Variants in MAP3K2 observed in about 807,000 individuals in gnomAD.
MAP3K2 encodes the protein MAP/ERK kinase kinase 2.
MAP3K2 carries 24 observed loss-of-function variants against 80.3 expected under a neutral mutation model. The observed-to-expected ratio is 0.30, with a 90% CI of 0.22 to 0.42. The LOEUF is 0.42. MAP3K2 is among the 10% of genes least tolerant of loss of function. MAP3K2 has a pLI of 1.00. For missense variants in MAP3K2, 608 were observed against 750.1 expected (o/e 0.81, Z 2.21); for synonymous variants, 244 against 253.7 (o/e 0.96, Z 0.36).
chr2:127,374,503 A>C (rs1017986617), intron 1 of MAP3K2, among the ~76,000 whole-genome samples: 1 of 152,216 alleles, frequency 6.6e-6, no homozygotes, highest in African/African-American at 2.4e-5. Context: ...GAGACTAGCT[A>C]AACAAATTAC....
chr2:127,323,838 T>C, intron 11 of MAP3K2, 64 bp downstream of exon 11: 1 of 733,588 alleles, frequency 1.4e-6, no homozygotes, highest in Non-Finnish European at 2.1e-6. Context: ...TAAAAAATTT[T>C]TGTATTTATT....
rs1434044277 is a variant in MAP3K2 at position 127,373,070 on chromosome 2, C to G, written c.-66+14382G>C. ...CAGAGAAGAATTTGCATTTACAATA[C>G]CAGCAATCAATAATGAAAGGCCAGC... On this transcript the variant is annotated intron_variant, in intron 1 of 16. Transcript: ENST00000682094. Among the ~76,000 whole-genome samples the G allele has an allele frequency of 2.0e-5, 3 of 152,178 alleles. No individual in the cohort carries two copies. In the East Asian group the frequency reaches 5.8e-4, roughly 29 times the overall value.
chr2:127,326,517 G>C (rs1192445797), intron 8 of MAP3K2, among the ~76,000 whole-genome samples, 170 bp downstream of exon 8: 1 of 152,002 alleles, frequency 6.6e-6, no homozygotes, highest in East Asian at 1.9e-4. Flanking sequence ...CTTTATACAG[G>C]CACATGTAAA....
Position 127,323,814 on chromosome 2 carries a change from C to T in MAP3K2, c.838+88G>A, listed in dbSNP as rs114922738. Reference sequence around the variant, plus strand: ...TCATATTTTTCTAATGGTATTAACACAAATATGAGGTTTTAAAAAATTTTT... The same window carrying T: ...TCATATTTTTCTAATGGTATTAACATAAATATGAGGTTTTAAAAAATTTTT... On this transcript the variant is annotated intron_variant, in intron 11 of 16. Coordinates refer to ENST00000682094, the MANE Select transcript of MAP3K2 (RefSeq NM_001371910.2). The T allele has an allele frequency of 4.0e-4, 221 of 558,096 alleles. No individual in the cohort carries two copies. The African/African-American group carries it at 4.2e-3, about 11-fold the overall frequency. 34.6% of individuals were successfully genotyped at this position (558,096 alleles called of 1,614,324 possible). A position where few individuals can be genotyped will look rare whatever the true frequency, so the allele number is the denominator to read the frequency against.
chr2:127,374,278 C>T (rs1687114714), intron 1 of MAP3K2, among the ~76,000 whole-genome samples: 1 of 152,166 alleles, frequency 6.6e-6, no homozygotes, highest in Non-Finnish European at 1.5e-5. Flanking sequence ...CCTGTGTGCA[C>T]TTTTTCTCCG....
At chr2:127,380,027 G>A (rs1368614613) in intron 1 of MAP3K2, among the ~76,000 whole-genome samples, 1 of 152,084 alleles carries the variant, frequency 6.6e-6, no homozygotes, top group African/African-American at 2.4e-5. Context: ...TATCTCGTGG[G>A]AGAAAAAAAG....
chr2:127,306,870 GTGTGTTT>G lies in MAP3K2; in HGVS notation c.*702_*708del, dbSNP rs1685711160. 1 of 147,690 alleles carries G rather than the reference GTGTGTTT, an allele frequency of 6.8e-6. No homozygotes were observed. The highest frequency in any genetic ancestry group is 1.5e-5 in the Non-Finnish European group (1 of 66,674). 9.1% of individuals were successfully genotyped at this position (147,690 alleles called of 1,614,324 possible). On this transcript the variant is annotated 3_prime_UTR_variant, in exon 17 of 17. Transcript: ENST00000682094. The surrounding 1 kb of genome is among the most constrained non-coding windows in gnomAD (Gnocchi z 4.7). ...TCCGTGTGTGTGTGTGTGTGTGTGT[GTGTGTTT>G]TTAAGCAGAAAGCTATCCCTCAAGG...
chr2:127,329,473 C>T (rs1452778794), intron 7 of MAP3K2, among the ~76,000 whole-genome samples: 8 of 152,000 alleles, frequency 5.3e-5, no homozygotes, highest in Non-Finnish European at 4.4e-5. Flanking sequence ...CCTCTTGCCT[C>T]AGCCTCCTGA....
chr2:127,368,479 G>A (rs972973901), intron 1 of MAP3K2, among the ~76,000 whole-genome samples: 16 of 151,662 alleles, frequency 1.1e-4, no homozygotes, highest in Admixed American at 6.6e-4. Context: ...AAAATTAGCC[G>A]GGTGTGGTGG....
chr2:127,353,077 G>C lies in MAP3K2; in HGVS notation c.-65-9883C>G, dbSNP rs1261576243. ...CCTCCACCTCCCAGCCGCCTGCCTT[G>C]GCCTCCCAAAGTGCCGAGATTGCAG... On this transcript the variant is annotated intron_variant, in intron 1 of 16. Transcript: ENST00000682094. Among the ~76,000 whole-genome samples the C allele has an allele frequency of 4.6e-5, 7 of 152,240 alleles. No homozygotes were observed. The East Asian group carries it at 1.4e-3, about 29-fold the overall frequency.
chr2:127,359,047 G>T (rs1394408405), intron 1 of MAP3K2, among the ~76,000 whole-genome samples: 1 of 152,150 alleles, frequency 6.6e-6, no homozygotes, highest in East Asian at 1.9e-4. Context: ...AGGGGAGCAG[G>T]GATGAACAGG....
At position 127,302,532 on chromosome 2, in the gene MAP3K2, T is replaced by C. The variant is rs1685618421; in HGVS notation, c.*5047A>G. 1 of 152,024 alleles carries C rather than the reference T, an allele frequency of 6.6e-6. No homozygotes were observed. The highest frequency in any genetic ancestry group is 6.6e-5 in the Admixed American group (1 of 15,232). The allele number at this position is 152,024 out of a possible 1,614,324, so 9.4% of individuals were successfully genotyped here. A position where few individuals can be genotyped will look rare whatever the true frequency, so the allele number is the denominator to read the frequency against. ...CAGAAAAGTAACTTTTCTGTGAGTA[T>C]TACCCAAAATGTTAGCTGAGAATTA... On this transcript the variant is annotated 3_prime_UTR_variant, in exon 17 of 17. Transcript: ENST00000682094.
chr2:127,319,650 CAAAAAAAAA>C (rs57472022), intron 12 of MAP3K2, among the ~76,000 whole-genome samples: 1 of 71,828 alleles, frequency 1.4e-5, no homozygotes, highest in Non-Finnish European at 2.4e-5. Context: ...ACTAAAAATA[CAAAAAAAAA>C]AAAAAAAAAA....
chr2:127,343,209 C>A lies in MAP3K2; in HGVS notation c.-65-15G>T. ...TTCTTTATGGCCTGAGAAGATAAAA[C>A]AGATCAGCATATTAATAAAAAGAAA... On this transcript the variant is annotated splice_polypyrimidine_tract_variant and intron_variant, in intron 1 of 16. Coordinates refer to ENST00000682094, the MANE Select transcript of MAP3K2 (RefSeq NM_001371910.2). 3 of 1,023,424 alleles carry A rather than the reference C, an allele frequency of 2.9e-6. No individual in the cohort carries two copies. Among genetic ancestry groups the A allele is most frequent in the South Asian group, 3.2e-5 (2 of 63,154 alleles). 63.4% of individuals were successfully genotyped at this position (1,023,424 alleles called of 1,614,324 possible). A position where few individuals can be genotyped will look rare whatever the true frequency, so the allele number is the denominator to read the frequency against.
At chr2:127,365,456 C>T (rs1686956973) in intron 1 of MAP3K2, among the ~76,000 whole-genome samples, 1 of 152,186 alleles carries the variant, frequency 6.6e-6, no homozygotes, top group African/African-American at 2.4e-5. Context: ...AATCCTCTTT[C>T]CATAGGGTAG....
chr2:127,328,213 T>C (rs1044475549), intron 7 of MAP3K2, among the ~76,000 whole-genome samples: 9 of 152,222 alleles, frequency 5.9e-5, no homozygotes, highest in Non-Finnish European at 7.3e-5. Context: ...AGGCAGCGGT[T>C]ACAGTTAGCT....
In MAP3K2 at chr2:127,334,725, C is replaced by G. The variant is rs559673163; in HGVS notation, c.264+1145G>C. Among the ~76,000 whole-genome samples, 4 of 151,446 alleles carry G rather than the reference C, an allele frequency of 2.6e-5. No individual in the cohort carries two copies. In the East Asian group the frequency reaches 7.8e-4, roughly 29 times the overall value. On this transcript the variant is annotated intron_variant, in intron 5 of 16. Coordinates refer to ENST00000682094, the MANE Select transcript of MAP3K2 (RefSeq NM_001371910.2). ...TCCCCCGATGTGCTGGGATTATAGG[C>G]ATGAGCCACTGTGCTCTGCCCGTTA...
chr2:127,380,665 A>G (rs992529813), intron 1 of MAP3K2, among the ~76,000 whole-genome samples: 1 of 152,222 alleles, frequency 6.6e-6, no homozygotes, highest in Admixed American at 6.5e-5. Context: ...TTAAGTAACA[A>G]TAAAGGCAAC....
In MAP3K2 at chr2:127,314,888, GAGAAA is replaced by G; in HGVS notation, c.1327-10_1327-6del. ...TAATTGGTCCTTAATTGAACCCTAG[GAGAAA>G]AGAAAACAAAAATAAAAACTACTGT... On this transcript the variant is annotated splice_polypyrimidine_tract_variant and splice_region_variant and intron_variant, in intron 14 of 16. Coordinates refer to ENST00000682094, the MANE Select transcript of MAP3K2 (RefSeq NM_001371910.2). 6.3e-7 allele frequency: 1 copy of G among 1,588,106 alleles called. No individual in the cohort carries two copies. Among genetic ancestry groups the G allele is most frequent in the African/African-American group, 1.4e-5 (1 of 73,810 alleles).
Sources: allele counts gnomAD v4.1 joint callset (sites outside exome capture counted in the v4.1 genomes callset), GRCh38; gene constraint gnomAD v4.1.1; non-coding constraint Gnocchi (gnomAD v3.1); transcripts MANE v1.5; gene names NCBI Gene and HGNC (gene_info 2026-07-23, HGNC 2026-07-21).